Variants in SAMSN1 observed in about 807,000 individuals in gnomAD.
The protein encoded by SAMSN1 is SAM domain, SH3 domain and nuclear localization signals 1.
In SAMSN1, 31 loss-of-function variants were observed where a neutral mutation model predicts 42.0. The observed-to-expected ratio is 0.74, with a 90% CI of 0.55 to 1.00. The LOEUF is 1.00. Among genes scored for constraint, SAMSN1 ranks in the 50% least tolerant of loss-of-function variants. The pLI, the probability that SAMSN1 is intolerant of heterozygous loss-of-function variation, is 0.00. For synonymous variants in SAMSN1, 178 were observed against 151.9 expected, an observed-to-expected ratio of 1.17 and a Z score of -1.26; for missense variants, 464 against 439.4, an observed-to-expected ratio of 1.06 and a Z score of -0.50.
At chr21:14,544,196 A>G (rs774846892) in intron 1 of SAMSN1, among the ~76,000 whole-genome samples, 4 of 152,134 alleles carry the variant, frequency 2.6e-5, no homozygotes, top group African/African-American at 9.7e-5. Flanking sequence ...TACTACATGC[A>G]CGTGCCACCA....
At chr21:14,557,871 C>T (rs968044699) in intron 2 of SAMSN1, among the ~76,000 whole-genome samples, 1 of 152,192 alleles carries the variant, frequency 6.6e-6, no homozygotes, top group Admixed American at 6.5e-5. Context: ...GCGGGAAGTG[C>T]TTTTCCCTTT....
intron 1 of SAMSN1, among the ~76,000 whole-genome samples, chr21:14,649,092 A>C (rs1300249972): frequency 1.3e-5 from 2 of 152,190 alleles, no homozygotes; most frequent in East Asian, 3.9e-4. Context: ...ATGCAGCCAT[A>C]AAAAAGGATG....
chr21:14,569,515 A>AT lies in SAMSN1; in HGVS notation c.261+12620dup, dbSNP rs542538612. Among the ~76,000 whole-genome samples, 864 of 152,036 alleles carry AT rather than the reference A, an allele frequency of 5.7e-3. 3 individuals are homozygous for AT. Among genetic ancestry groups the AT allele is most frequent in the African/African-American group, 0.02 (839 of 41,456 alleles). Reference sequence around the variant, plus strand: ...TAACCCTCATCTGCTTTTTTGATAGATTTTTTTCCCAGATTTTTTCTGTTA... The same window carrying AT: ...TAACCCTCATCTGCTTTTTTGATAGATTTTTTTTCCCAGATTTTTTCTGTTA... On this transcript the variant is annotated intron_variant, in intron 2 of 8. Coordinates refer to the SAMSN1 transcript ENST00000285670.
In SAMSN1 at chr21:14,577,271, TATATATATATA is replaced by T. The variant is rs1342810680; in HGVS notation, c.261+4854_261+4864del. On this transcript the variant is annotated intron_variant, in intron 2 of 8. Transcript: ENST00000285670. Reference sequence around the variant, plus strand: ...ATATATATATATATATATATATATATATATATATATATATTTTTTTTTTAGAAGAGACAGGG... The same window carrying T: ...ATATATATATATATATATATATATATTATTTTTTTTTTAGAAGAGACAGGG... 8.9e-4 allele frequency among the ~76,000 whole-genome samples: 47 copies of T among 52,946 alleles called. 4 individuals carry two copies. Among genetic ancestry groups the T allele is most frequent in the African/African-American group, 2.4e-3 (20 of 8,444 alleles). 34.7% of individuals were successfully genotyped at this position (52,946 alleles called of 152,430 possible).
chr21:14,642,580 A>T (rs181613064), intron 2 of SAMSN1, among the ~76,000 whole-genome samples: 4 of 152,224 alleles, frequency 2.6e-5, no homozygotes, highest in Admixed American at 6.5e-5. Flanking sequence ...TGACAAACGC[A>T]TAAATCTAGG....
chr21:14,624,077 A>G (rs1047467124), intron 2 of SAMSN1, among the ~76,000 whole-genome samples: 2 of 152,226 alleles, frequency 1.3e-5, no homozygotes, highest in African/African-American at 4.8e-5. Context: ...TTTGAAACCA[A>G]TGAGAACAAA....
intron 7 of SAMSN1, chr21:14,593,970 G>A (rs542968791): frequency 1.4e-6 from 1 of 713,336 alleles, no homozygotes; most frequent in South Asian, 1.5e-5. Context: ...AAAAGAGATG[G>A]GAAATCCACT....
intron 1 of SAMSN1, among the ~76,000 whole-genome samples, chr21:14,653,985 T>TC (rs554378056): frequency 2.5e-4 from 38 of 152,118 alleles, no homozygotes; most frequent in African/African-American, 8.9e-4. Flanking sequence ...ATAAAAATAT[T>TC]ATTTATTCAT....
At chr21:14,648,219 T>A (rs999136009) in intron 1 of SAMSN1, among the ~76,000 whole-genome samples, 1 of 152,182 alleles carries the variant, frequency 6.6e-6, no homozygotes, top group African/African-American at 2.4e-5. Context: ...TAGCCATATG[T>A]AGAAAGCTGA....
chr21:14,546,353 C>A, upstream of SAMSN1: 2 of 1,558,238 alleles, frequency 1.3e-6, no homozygotes, highest in African/African-American at 1.4e-5. Context: ...TGCACAGCAT[C>A]AGATAAGGTT....
chr21:14,500,281 T>C (rs1229047666), intron 6 of SAMSN1, among the ~76,000 whole-genome samples: 1 of 152,208 alleles, frequency 6.6e-6, no homozygotes, highest in African/African-American at 2.4e-5. Flanking sequence ...TTTCACTGCA[T>C]TTTCTCAACA....
In SAMSN1 at chr21:14,568,838, A is replaced by T. The variant is rs534141846; in HGVS notation, c.261+13298T>A. 5.3e-5 allele frequency among the ~76,000 whole-genome samples: 8 copies of T among 152,314 alleles called. No individual in the cohort carries two copies. The East Asian group carries it at 1.5e-3, about 29-fold the overall frequency. On this transcript the variant is annotated intron_variant, in intron 2 of 8. Transcript: ENST00000285670. Reference sequence around the variant, plus strand: ...TAGTAGTAATTCCTTCATGTAAATAAATGCACAACATTTGGGTTAACCTCC... The same window carrying T: ...TAGTAGTAATTCCTTCATGTAAATATATGCACAACATTTGGGTTAACCTCC...
chr21:14,565,540 TC>T (rs763376218), intron 2 of SAMSN1, among the ~76,000 whole-genome samples: 3 of 152,138 alleles, frequency 2.0e-5, no homozygotes, highest in Admixed American at 2.0e-4. Flanking sequence ...TGTATTTGTT[TC>T]CTTTTAACAT....
At chr21:14,542,619 A>G (rs147274742) in intron 1 of SAMSN1, among the ~76,000 whole-genome samples, 1 of 152,218 alleles carries the variant, frequency 6.6e-6, no homozygotes, top group Non-Finnish European at 1.5e-5. Context: ...TAAAATCACT[A>G]TCAGTAATGG....
chr21:14,590,182 C>A (rs1396856352), intron 7 of SAMSN1, among the ~76,000 whole-genome samples: 2 of 151,958 alleles, frequency 1.3e-5, no homozygotes, highest in Non-Finnish European at 2.9e-5. Flanking sequence ...TTATATGTGG[C>A]CTTTTTCTAT....
At chr21:14,616,423 G>T (rs1386061514) in intron 2 of SAMSN1, among the ~76,000 whole-genome samples, 1 of 152,022 alleles carries the variant, frequency 6.6e-6, no homozygotes, top group Non-Finnish European at 1.5e-5. Context: ...CACATACCTG[G>T]GTGTGTTAGT....
rs1568816159 is a variant in SAMSN1 at position 14,577,271 on chromosome 21, TATATATA to T, written c.261+4858_261+4864del. Among the ~76,000 whole-genome samples the T allele has an allele frequency of 3.0e-4, 16 of 52,944 alleles. 1 individual carries two copies. Among genetic ancestry groups the T allele is most frequent in the South Asian group, 1.2e-3 (2 of 1,688 alleles). 34.7% of individuals were successfully genotyped at this position (52,944 alleles called of 152,430 possible). On this transcript the variant is annotated intron_variant, in intron 2 of 8. Coordinates refer to the SAMSN1 transcript ENST00000285670. ...ATATATATATATATATATATATATATATATATATATATATTTTTTTTTTAGAAGAGAC... is the reference window on the plus strand; with the variant it reads ...ATATATATATATATATATATATATATTATATATTTTTTTTTTAGAAGAGAC...
intron 7 of SAMSN1, among the ~76,000 whole-genome samples, chr21:14,493,210 C>A (rs541288441): frequency 6.6e-6 from 1 of 152,264 alleles, no homozygotes; most frequent in South Asian, 2.1e-4. Context: ...GGCACACAAC[C>A]CACCCTTTCC....
intron 1 of SAMSN1, among the ~76,000 whole-genome samples, chr21:14,532,939 C>T (rs1054157345): frequency 1.6e-4 from 24 of 151,952 alleles, no homozygotes; most frequent in Admixed American, 2.0e-4. Flanking sequence ...GACAGGGTCT[C>T]TTGCTCCAGG....
Sources: allele counts gnomAD v4.1 joint callset (sites outside exome capture counted in the v4.1 genomes callset), GRCh38; gene constraint gnomAD v4.1.1; transcripts MANE v1.5; gene names NCBI Gene and HGNC (gene_info 2026-07-23, HGNC 2026-07-21).